Variants in INTS4 observed in about 807,000 individuals in gnomAD.
The protein encoded by INTS4 is MSTP093.
INTS4 carries 70 observed loss-of-function variants against 119.5 expected under a neutral mutation model. The ratio of observed to expected loss-of-function variants is 0.59; its 90% confidence interval spans 0.48 to 0.71. The LOEUF (loss-of-function observed/expected upper bound fraction) is 0.71. Among genes scored for constraint, INTS4 ranks in the 30% least tolerant of loss-of-function variants. The pLI is 0.00. For missense variants in INTS4, 867 were observed against 1,173.2 expected (o/e 0.74, Z 3.81); for synonymous variants, 316 against 419.6 (o/e 0.75, Z 3.02).
chr11:77,969,881 T>C (rs764190005), intron 4 of INTS4, among the ~76,000 whole-genome samples: 3 of 152,202 alleles, frequency 2.0e-5, no homozygotes, highest in Non-Finnish European at 4.4e-5. Context: ...TAACCTATTA[T>C]GGAAATTTAA....
At chr11:77,972,478 G>A (rs1855771780) in intron 4 of INTS4, among the ~76,000 whole-genome samples, 1 of 151,720 alleles carries the variant, frequency 6.6e-6, no homozygotes, top group Non-Finnish European at 1.5e-5. Context: ...GTGTGGTGGT[G>A]TGATCACAGC....
Position 77,979,029 on chromosome 11 carries a change from A to C in INTS4, c.438T>G (p.Ala146=), listed in dbSNP as rs751683881. 4 of 1,612,728 alleles carry C rather than the reference A, an allele frequency of 2.5e-6. No homozygotes were observed. The highest frequency in any genetic ancestry group is 3.4e-6 in the Non-Finnish European group (4 of 1,178,862). The change falls in exon 4 of 23, where the codon GCT becomes GCG. Residue 146 remains alanine (A), a synonymous_variant. Transcript: ENST00000534064. The stretch of plus-strand genomic sequence containing the variant: ...CCACATCAACTAATCGCATTTGGAT[A>C]GCTTGATTCTCTGGTAGCTTAGTGC... ...AIGTKLPENQ[A]IQMRLVDVAC... is the part of the protein sequence containing the mutation.
intron 11 of INTS4, 102 bp downstream of exon 11, chr11:77,928,240 C>A: frequency 8.3e-7 from 1 of 1,205,302 alleles, no homozygotes; most frequent in Non-Finnish European, 1.2e-6. Context: ...CAGAACTGTG[C>A]TCCCTGATAT....
intron 4 of INTS4, among the ~76,000 whole-genome samples, chr11:77,972,857 G>C (rs906276362): frequency 2.7e-5 from 4 of 150,218 alleles, no homozygotes; most frequent in African/African-American, 7.3e-5. Flanking sequence ...AATACAGATA[G>C]GGTCTCATTC....
chr11:77,910,225 A>C (rs1953057995), intron 15 of INTS4, among the ~76,000 whole-genome samples: 1 of 152,126 alleles, frequency 6.6e-6, no homozygotes, highest in Non-Finnish European at 1.5e-5. Flanking sequence ...TGGATTAAGA[A>C]AATGTGGCAT....
intron 10 of INTS4, among the ~76,000 whole-genome samples, chr11:77,937,083 G>T (rs1228035031): frequency 6.6e-6 from 1 of 151,894 alleles, no homozygotes; most frequent in Non-Finnish European, 1.5e-5. Flanking sequence ...GCTGAAGCAT[G>T]AGAATTGTCT....
intron 2 of INTS4, among the ~76,000 whole-genome samples, chr11:77,984,493 C>CA (rs1856376642): frequency 7.5e-6 from 1 of 132,906 alleles, no homozygotes; most frequent in African/African-American, 2.8e-5. Flanking sequence ...GACTCTGTGT[C>CA]AAAAAATGAA....
At chr11:77,901,666 C>G (rs1273916732) in intron 17 of INTS4, 115 bp from the exon 18 acceptor site, 2 of 755,358 alleles carry the variant, frequency 2.6e-6, no homozygotes, top group African/African-American at 1.8e-5. Context: ...GATTTTACAT[C>G]CTTATGCTTT....
chr11:77,944,107 A>T (rs1156906730), intron 8 of INTS4, among the ~76,000 whole-genome samples: 1 of 152,218 alleles, frequency 6.6e-6, no homozygotes, highest in Non-Finnish European at 1.5e-5. Flanking sequence ...TAGGGCAGTT[A>T]TAAATAAGTA....
At chr11:77,906,344 T>G (rs1195689651) in intron 16 of INTS4, among the ~76,000 whole-genome samples, 1 of 152,246 alleles carries the variant, frequency 6.6e-6, no homozygotes. Flanking sequence ...CACACTTGCC[T>G]TGGGTTCTGG....
intron 8 of INTS4, among the ~76,000 whole-genome samples, chr11:77,945,953 G>C (rs1311010952): frequency 6.6e-6 from 1 of 152,160 alleles, no homozygotes; most frequent in Non-Finnish European, 1.5e-5. Flanking sequence ...CAAAGCAACA[G>C]CCAACCAGGC....
At chr11:77,963,793 C>T (rs1177454840) in intron 4 of INTS4, among the ~76,000 whole-genome samples, 1 of 152,114 alleles carries the variant, frequency 6.6e-6, no homozygotes, top group Non-Finnish European at 1.5e-5. Context: ...AAGAGATACT[C>T]CCACCTCAGT....
chr11:77,932,064 G>A (rs541671970), intron 10 of INTS4, among the ~76,000 whole-genome samples: 3 of 152,190 alleles, frequency 2.0e-5, no homozygotes, highest in South Asian at 2.1e-4. Flanking sequence ...CAAAAGCAAC[G>A]GCAATGAAGC....
At chr11:77,904,001 G>T (rs1370911874) in intron 16 of INTS4, among the ~76,000 whole-genome samples, 1 of 152,190 alleles carries the variant, frequency 6.6e-6, no homozygotes, top group Non-Finnish European at 1.5e-5. Flanking sequence ...TTCCTTAACT[G>T]TGGTTCTTTT....
intron 4 of INTS4, among the ~76,000 whole-genome samples, chr11:77,963,613 G>C (rs1439377994): frequency 2.6e-5 from 4 of 151,960 alleles, no homozygotes; most frequent in Non-Finnish European, 5.9e-5. Context: ...ATGGTTCTGT[G>C]TATCAACAAA....
At chr11:77,910,947 T>A in intron 15 of INTS4, 1 of 1,239,740 alleles carries the variant, frequency 8.1e-7, no homozygotes, top group Non-Finnish European at 1.1e-6. Context: ...AAATTCTGAA[T>A]AGAAATGGAA....
chr11:77,889,855 G>C (rs927169861), intron 21 of INTS4, among the ~76,000 whole-genome samples: 4 of 152,212 alleles, frequency 2.6e-5, no homozygotes, highest in African/African-American at 9.6e-5. Flanking sequence ...GCTATGAAGG[G>C]GGTTTTTTAG....
chr11:77,982,200 A>T (rs1856268877), intron 2 of INTS4, among the ~76,000 whole-genome samples: 1 of 147,578 alleles, frequency 6.8e-6, no homozygotes, highest in Admixed American at 7.0e-5. Flanking sequence ...CAGTGGCGCC[A>T]TCATGGCTAA....
At chr11:77,903,461 G>C in intron 17 of INTS4, 79 bp downstream of exon 17, 1 of 1,606,458 alleles carries the variant, frequency 6.2e-7, no homozygotes, top group Non-Finnish European at 8.5e-7. Flanking sequence ...CAGAGCTATA[G>C]GAAGGCCTCT....
Sources: allele counts gnomAD v4.1 joint callset (sites outside exome capture counted in the v4.1 genomes callset), GRCh38; gene constraint gnomAD v4.1.1; transcripts MANE v1.5; gene names NCBI Gene and HGNC (gene_info 2026-07-23, HGNC 2026-07-21).